Variants in TJP2 observed in about 807,000 individuals in gnomAD.
TJP2 encodes Friedreich ataxia region gene X104 (tight junction protein ZO-2).
A neutral mutation model predicts 133.1 loss-of-function variants in TJP2; 91 were observed. The ratio of observed to expected loss-of-function variants is 0.68; its 90% CI spans 0.58 to 0.81. The LOEUF is 0.81. Among genes scored for constraint, TJP2 ranks in the 40% least tolerant of loss-of-function variants. The pLI, the probability that TJP2 is intolerant of heterozygous loss-of-function variation, is 0.00. For synonymous variants in TJP2, 592 were observed against 583.4 expected, an observed-to-expected ratio of 1.01 and a Z score of -0.21; for missense variants, 1,541 against 1,565.6, an observed-to-expected ratio of 0.98 and a Z score of 0.26.
intron 1 of TJP2, among the ~76,000 whole-genome samples, chr9:69,190,453 A>G (rs1294094715): frequency 6.6e-6 from 1 of 152,238 alleles, no homozygotes; most frequent in Non-Finnish European, 1.5e-5. Context: ...AGTTGCTACC[A>G]AGCATAGTTG....
At chr9:69,187,476 T>A (rs1337812555) in intron 1 of TJP2, among the ~76,000 whole-genome samples, 1 of 152,268 alleles carries the variant, frequency 6.6e-6, no homozygotes, top group Non-Finnish European at 1.5e-5. Context: ...ATATACTGAC[T>A]ATGTTAGTGT....
At chr9:69,138,753 A>C (rs1354321102) in intron 1 of TJP2, among the ~76,000 whole-genome samples, 1 of 151,104 alleles carries the variant, frequency 6.6e-6, no homozygotes, top group Non-Finnish European at 1.5e-5. Context: ...CCCCATCTCT[A>C]CTCAAAATAC....
At chr9:69,128,524 ATTT>A (rs149373683) in intron 1 of TJP2, among the ~76,000 whole-genome samples, 9,572 of 121,136 alleles carry the variant, frequency 0.079, 355 homozygotes, top group South Asian at 0.095. Flanking sequence ...TTATTAGACC[ATTT>A]TTTTTTTTTT....
Position 69,212,540 on chromosome 9 carries a change from TA to T in TJP2, c.61-4del. On this transcript the variant is annotated splice_polypyrimidine_tract_variant and splice_region_variant and intron_variant, in intron 1 of 22. Coordinates refer to ENST00000377245, the MANE Select transcript of TJP2 (RefSeq NM_004817.4). ...TTTCATCAGATTGGTTTTGTTCTTTTAAAACAGGCCCCAGGCATGGAAGAGC... is the reference window on the plus strand; with the variant it reads ...TTTCATCAGATTGGTTTTGTTCTTTTAAACAGGCCCCAGGCATGGAAGAGC... 6.2e-7 allele frequency: 1 copy of T among 1,611,386 alleles called. No homozygotes were observed. The highest frequency in any genetic ancestry group is 8.5e-7 in the Non-Finnish European group (1 of 1,177,620).
rs187778465 is a variant in TJP2, at chr9:69,191,792, A to G, written c.60+17360A>G. The stretch of plus-strand genomic sequence containing the variant: ...CACTCTGTTGCCCAGGCTGGAGTGC[A>G]GTGGCATGATCTCAGCTCATTGCAA... On this transcript the variant is annotated intron_variant, in intron 1 of 22. Transcript: ENST00000377245. Among the ~76,000 whole-genome samples the G allele has an allele frequency of 5.3e-5, 8 of 151,862 alleles. No individual in the cohort carries two copies. The South Asian group carries it at 1.0e-3, about 20-fold the overall frequency.
At chr9:69,153,367 G>A (rs184374955) in intron 2 of TJP2, among the ~76,000 whole-genome samples, 9 of 152,230 alleles carry the variant, frequency 5.9e-5, no homozygotes, top group Non-Finnish European at 2.9e-5. Flanking sequence ...AGGATGGCTT[G>A]AGCCCAGGAG....
rs2133211489 is a variant in TJP2, at chr9:69,123,510, G to A, written c.-131+1785G>A. On this transcript the variant is annotated intron_variant, in intron 1 of 5. Transcript: ENST00000423935. ...ATATTTTTTGGAGGGAACAGAAGAT[G>A]TTGACTAAGAATGTACAGTAAATGT... Among the ~76,000 whole-genome samples, 2 of 76,820 alleles carry A rather than the reference G, an allele frequency of 2.6e-5. 1 individual carries two copies. Among genetic ancestry groups the A allele is most frequent in the Non-Finnish European group, 6.0e-5 (2 of 33,478 alleles). The allele number at this position is 76,820 out of a possible 152,430, so 50.4% of individuals were successfully genotyped here. A position where few individuals can be genotyped will look rare whatever the true frequency, so the allele number is the denominator to read the frequency against.
chr9:69,197,562 C>T (rs1392828801), intron 1 of TJP2, among the ~76,000 whole-genome samples: 1 of 152,104 alleles, frequency 6.6e-6, no homozygotes, highest in Non-Finnish European at 1.5e-5. Flanking sequence ...AGGAAGAAAA[C>T]AGACTTTCTT....
At chr9:69,222,530 A>G (rs1588097288) in intron 5 of TJP2, among the ~76,000 whole-genome samples, 1 of 152,150 alleles carries the variant, frequency 6.6e-6, no homozygotes, top group African/African-American at 2.4e-5. Context: ...CCTAACACCA[A>G]TTCGTTCGTT....
At position 69,247,995 on chromosome 9, in the gene TJP2, AAC is replaced by A; in HGVS notation, c.2668-13_2668-12del. The A allele has an allele frequency of 6.3e-7, 1 of 1,580,194 alleles. No homozygotes were observed. The highest frequency in any genetic ancestry group is 8.6e-7 in the Non-Finnish European group (1 of 1,160,178). On this transcript the variant is annotated splice_polypyrimidine_tract_variant and intron_variant, in intron 18 of 22. Coordinates refer to ENST00000377245, the MANE Select transcript of TJP2 (RefSeq NM_004817.4). ...CCACATCAGACCCCACTGACCGTCC[AAC>A]ACAAATTCCTCTAGATGGAAGGGAT...
At chr9:69,154,649 G>A (rs1256218416) in intron 2 of TJP2, among the ~76,000 whole-genome samples, 1 of 151,168 alleles carries the variant, frequency 6.6e-6, no homozygotes, top group Non-Finnish European at 1.5e-5. Flanking sequence ...AGAAGGCCAG[G>A]CATGGTGGTT....
intron 1 of TJP2, among the ~76,000 whole-genome samples, chr9:69,186,604 T>C (rs755428648): frequency 2.9e-4 from 44 of 152,176 alleles, no homozygotes; most frequent in Admixed American, 7.9e-4. Flanking sequence ...GGCTTCACTG[T>C]TTGGAGACTG....
chr9:69,218,575 T>G, intron 4 of TJP2: 1 of 569,404 alleles, frequency 1.8e-6, no homozygotes, highest in Admixed American at 2.8e-5. Context: ...TTCTCTGATC[T>G]GAGTTAGTTT....
intron 1 of TJP2, among the ~76,000 whole-genome samples, chr9:69,210,199 G>A (rs964155479): frequency 4.0e-5 from 6 of 148,196 alleles, no homozygotes; most frequent in South Asian, 2.1e-4. Context: ...TGAGGTATGC[G>A]AATCACTTGA....
chr9:69,163,543 G>C (rs1349753037), intron 2 of TJP2, among the ~76,000 whole-genome samples: 1 of 151,956 alleles, frequency 6.6e-6, no homozygotes, highest in Non-Finnish European at 1.5e-5. Flanking sequence ...GGCTGAGGTG[G>C]GAGGATCACT....
At chr9:69,238,911 G>A in intron 16 of TJP2, 122 bp downstream of exon 16, 1 of 872,410 alleles carries the variant, frequency 1.1e-6, no homozygotes, top group South Asian at 1.4e-5. Context: ...AAATTGGCCG[G>A]GCACAGTGGC....
intron 17 of TJP2, among the ~76,000 whole-genome samples, chr9:69,241,789 A>G (rs369391923): frequency 3.7e-4 from 56 of 152,272 alleles, no homozygotes; most frequent in African/African-American, 1.3e-3. Flanking sequence ...GCATAATCAC[A>G]ATTCTGATGT....
intron 1 of TJP2, chr9:69,145,809 C>T (rs1554769571): frequency 2.4e-6 from 3 of 1,231,918 alleles, no homozygotes; most frequent in Non-Finnish European, 3.0e-6. Context: ...GAACCTTTGG[C>T]AACAACCTGG....
chr9:69,151,097 A>G (rs1475313154), intron 1 of TJP2, among the ~76,000 whole-genome samples: 3 of 152,210 alleles, frequency 2.0e-5, no homozygotes, highest in Non-Finnish European at 4.4e-5. Flanking sequence ...GTGGTTGCCT[A>G]GGGCCAAGAG....
Sources: gnomAD v4.1 joint callset for allele counts (sites outside exome capture counted in the v4.1 genomes callset) on GRCh38, gnomAD v4.1.1 for gene constraint, MANE v1.5 for transcripts, NCBI Gene and HGNC (gene_info 2026-07-23, HGNC 2026-07-21) for gene names.